The following SRBD1 variants were observed in gnomAD, a reference collection of about 807,000 sequenced individuals.
The protein encoded by SRBD1 is S1 RNA-binding domain-containing protein 1.
SRBD1 carries 88 observed loss-of-function variants against 115.3 expected under a neutral mutation model. The observed-to-expected ratio is 0.76, with a 90% CI of 0.64 to 0.91. SRBD1 has a LOEUF of 0.91. Ranked by LOEUF, SRBD1 falls within the 40% of genes least tolerant of loss-of-function variation. The pLI, the probability that SRBD1 is intolerant of heterozygous loss-of-function variation, is 0.00. For missense variants in SRBD1, 1,385 were observed against 1,177.4 expected (o/e 1.18, Z -2.58); for synonymous variants, 509 against 407.7 (o/e 1.25, Z -2.99).
At chr2:45,540,441 A>AACT (rs1344715496) in intron 14 of SRBD1, among the ~76,000 whole-genome samples, 1 of 152,162 alleles carries the variant, frequency 6.6e-6, no homozygotes, top group Non-Finnish European at 1.5e-5. Context: ...TACAAAACAG[A>AACT]AGAAAATCAC....
intron 14 of SRBD1, among the ~76,000 whole-genome samples, chr2:45,532,799 G>A (rs917366256): frequency 2.0e-5 from 3 of 147,986 alleles, no homozygotes; most frequent in Admixed American, 6.6e-5. Context: ...AAGGTTTACC[G>A]ACCCCCCACT....
chr2:45,594,140 A>G (rs6544838), intron 4 of SRBD1, among the ~76,000 whole-genome samples: 122,497 of 152,114 alleles, frequency 0.81, 50,052 homozygotes, highest in African/African-American at 0.92. Flanking sequence ...AAGTGGTTCC[A>G]CCTTTATACA....
chr2:45,489,018 C>T (rs773756470), intron 14 of SRBD1, among the ~76,000 whole-genome samples: 18 of 152,144 alleles, frequency 1.2e-4, no homozygotes, highest in African/African-American at 2.4e-5. Context: ...CATTCTCTTT[C>T]ATTCTCTTCC....
intron 19 of SRBD1, among the ~76,000 whole-genome samples, chr2:45,403,514 G>T (rs982077227): frequency 2.0e-5 from 3 of 152,110 alleles, no homozygotes; most frequent in African/African-American, 7.2e-5. Context: ...GCAAGGGATA[G>T]AGAGGTAAAA....
chr2:45,455,267 C>T (rs1308187269), intron 16 of SRBD1, among the ~76,000 whole-genome samples: 1 of 151,778 alleles, frequency 6.6e-6, no homozygotes, highest in Non-Finnish European at 1.5e-5. Flanking sequence ...ATAAAGTAAA[C>T]CAGTTCATTT....
intron 20 of SRBD1, among the ~76,000 whole-genome samples, chr2:45,391,674 G>A (rs573139237): frequency 6.6e-6 from 1 of 152,272 alleles, no homozygotes; most frequent in South Asian, 2.1e-4. Flanking sequence ...TGCAGTAAGT[G>A]GAAAGCTCAG....
chr2:45,438,916 T>C (rs1433421191), intron 16 of SRBD1, among the ~76,000 whole-genome samples: 1 of 152,020 alleles, frequency 6.6e-6, no homozygotes, highest in Non-Finnish European at 1.5e-5. Flanking sequence ...CAAAGAAAAC[T>C]ATACCTAGAA....
At chr2:45,486,432 T>G (rs796390052) in intron 15 of SRBD1, among the ~76,000 whole-genome samples, 1 of 152,108 alleles carries the variant, frequency 6.6e-6, no homozygotes, top group African/African-American at 2.4e-5. Context: ...TTTCCTATTT[T>G]AGAAGTGGGG....
At chr2:45,430,006 G>C (rs1379326816) in intron 16 of SRBD1, among the ~76,000 whole-genome samples, 6 of 151,908 alleles carry the variant, frequency 3.9e-5, no homozygotes, top group Non-Finnish European at 5.9e-5. Context: ...AATAGACAGA[G>C]AGCCAAATTA....
rs1252411097 is a variant in SRBD1, at chr2:45,551,170, G to A, written c.1630C>T (p.Pro544Ser). ...VPGRTLMGVD[P>S]GYKHGCKLAI... ...AATTTGCAACCATGTTTATAACCAG[G>A]ATCCACTCCCATTAAGGTGCGCCCT... The change falls in exon 12 of 21, where the codon CCT (proline) becomes TCT (serine). Residue 544 changes from proline (P) to serine (S), a missense_variant. Transcript: ENST00000263736. 2.5e-6 allele frequency: 4 copies of A among 1,609,006 alleles called. No homozygotes were observed. In the African/African-American group the frequency reaches 5.4e-5, roughly 22 times the overall value.
chr2:45,508,887 C>T (rs888815591), intron 14 of SRBD1, among the ~76,000 whole-genome samples: 1 of 152,028 alleles, frequency 6.6e-6, no homozygotes, highest in Non-Finnish European at 1.5e-5. Flanking sequence ...CACAGGCATT[C>T]TTAGACAATT....
chr2:45,432,646 A>G (rs545139425), intron 16 of SRBD1, among the ~76,000 whole-genome samples: 1 of 152,226 alleles, frequency 6.6e-6, no homozygotes, highest in Admixed American at 6.5e-5. Context: ...TAACAGTGCC[A>G]ATAATCCCTA....
chr2:45,453,887 G>C (rs1669072657), intron 16 of SRBD1, among the ~76,000 whole-genome samples: 1 of 151,928 alleles, frequency 6.6e-6, no homozygotes, highest in Non-Finnish European at 1.5e-5. Flanking sequence ...CTTCTGATAA[G>C]CAACTTTAGT....
At chr2:45,463,022 G>T (rs905287634) in intron 16 of SRBD1, among the ~76,000 whole-genome samples, 2 of 34,962 alleles carry the variant, frequency 5.7e-5, no homozygotes, top group African/African-American at 1.8e-4. Flanking sequence ...TAACCCGGGG[G>T]GGGGGGGGGA....
intron 14 of SRBD1, among the ~76,000 whole-genome samples, chr2:45,542,458 G>C (rs762713708): frequency 6.6e-6 from 1 of 152,160 alleles, no homozygotes. Flanking sequence ...CCACTAACCT[G>C]GTAGGAGGTG....
At chr2:45,579,373 A>G (rs771912986) in intron 7 of SRBD1, among the ~76,000 whole-genome samples, 17 of 152,324 alleles carry the variant, frequency 1.1e-4, no homozygotes, top group Non-Finnish European at 2.4e-4. Context: ...TTTAAAGAGT[A>G]TTTATGACTT....
At chr2:45,421,628 G>T (rs1007708532) in intron 16 of SRBD1, among the ~76,000 whole-genome samples, 1 of 141,446 alleles carries the variant, frequency 7.1e-6, no homozygotes, top group African/African-American at 2.6e-5. Flanking sequence ...TTACAACAAT[G>T]AATACATTCG....
At chr2:45,566,781 C>A (rs1344115911) in intron 9 of SRBD1, among the ~76,000 whole-genome samples, 1 of 152,094 alleles carries the variant, frequency 6.6e-6, no homozygotes, top group Non-Finnish European at 1.5e-5. Context: ...ATAATTTAAT[C>A]AAGTTAACAG....
intron 10 of SRBD1, among the ~76,000 whole-genome samples, chr2:45,562,261 T>G (rs1672689056): frequency 6.6e-6 from 1 of 152,218 alleles, no homozygotes; most frequent in African/African-American, 2.4e-5. Flanking sequence ...GGAGTCTTGC[T>G]CTGTCGCCCA....
Sources: allele counts gnomAD v4.1 joint callset (sites outside exome capture counted in the v4.1 genomes callset), GRCh38; gene constraint gnomAD v4.1.1; transcripts MANE v1.5; gene names NCBI Gene and HGNC (gene_info 2026-07-23, HGNC 2026-07-21).